Variants in PDPR observed in about 807,000 individuals in gnomAD.
PDPR encodes the protein pyruvate dehydrogenase phosphatase regulatory subunit, mitochondrial.
A neutral mutation model predicts 102.2 loss-of-function variants in PDPR; 50 were observed. The observed-to-expected ratio is 0.49, with a 90% CI of 0.39 to 0.62. The LOEUF is 0.62. Ranked by LOEUF, PDPR falls within the 20% of genes least tolerant of loss-of-function variation. The pLI is 0.00. For synonymous variants in PDPR, 259 were observed against 406.0 expected (o/e 0.64, Z 4.35); for missense variants, 625 against 1,098.2 (o/e 0.57, Z 6.09).
At chr16:70,123,071 C>T (rs1963513813) in intron 3 of PDPR, among the ~76,000 whole-genome samples, 1 of 151,996 alleles carries the variant, frequency 6.6e-6, no homozygotes, top group Non-Finnish European at 1.5e-5. Flanking sequence ...CTGGCTAATT[C>T]TTGTATTTTT....
chr16:70,147,718 C>T (rs192058657), intron 16 of PDPR: 4,723 of 392,472 alleles, frequency 0.012, 15 homozygotes, highest in South Asian at 0.016. Context: ...AAAGTGGGAT[C>T]CACCTACAAA....
Position 70,159,177 on chromosome 16 carries a change from T to C in PDPR, c.*2298T>C, listed in dbSNP as rs1431523620. 3 of 152,362 alleles carry C rather than the reference T, an allele frequency of 2.0e-5. No homozygotes were observed. Among genetic ancestry groups the C allele is most frequent in the African/African-American group, 7.2e-5 (3 of 41,482 alleles). 9.4% of individuals were successfully genotyped at this position (152,362 alleles called of 1,614,324 possible). Reference sequence around the variant, plus strand: ...TCTGCCCTTGTTAATCTCCAACTAATTACTACAGATTGACACGTTTTTAAT... The same window carrying C: ...TCTGCCCTTGTTAATCTCCAACTAACTACTACAGATTGACACGTTTTTAAT... On this transcript the variant is annotated 3_prime_UTR_variant, in exon 19 of 19. Coordinates refer to ENST00000288050, the MANE Select transcript of PDPR (RefSeq NM_017990.5).
chr16:70,117,740 G>T lies in PDPR; in HGVS notation c.-32-2721G>T, dbSNP rs185378386. 1.4e-3 allele frequency among the ~76,000 whole-genome samples: 212 copies of T among 152,272 alleles called. 1 individual carries two copies. Among genetic ancestry groups the T allele is most frequent in the African/African-American group, 4.7e-3 (197 of 41,572 alleles). Reference sequence around the variant, plus strand: ...GAAATGAGACCACAGATAAGAACCAGAGTGTGAAGGATCTTGCACTTGATA... The same window carrying T: ...GAAATGAGACCACAGATAAGAACCATAGTGTGAAGGATCTTGCACTTGATA... On this transcript the variant is annotated intron_variant, in intron 2 of 18. Transcript: ENST00000288050.
At chr16:70,123,674 TC>T (rs1333125543) in intron 3 of PDPR, among the ~76,000 whole-genome samples, 1 of 152,292 alleles carries the variant, frequency 6.6e-6, no homozygotes, top group East Asian at 1.9e-4. Context: ...CTAGGGAGGT[TC>T]ATTTTTGGTT....
intron 11 of PDPR, among the ~76,000 whole-genome samples, chr16:70,140,798 G>A (rs1965631379): frequency 6.6e-6 from 1 of 152,208 alleles, no homozygotes; most frequent in Non-Finnish European, 1.5e-5. Flanking sequence ...CTGGGTGATA[G>A]AGAGGGATTC....
At chr16:70,139,539 C>G (rs1362450986) in intron 11 of PDPR, among the ~76,000 whole-genome samples, 2 of 152,378 alleles carry the variant, frequency 1.3e-5, no homozygotes, top group East Asian at 3.9e-4. Context: ...CCTACAGCAG[C>G]AAGATTGGGA....
intron 4 of PDPR, among the ~76,000 whole-genome samples, chr16:70,128,351 C>G (rs1161701334): frequency 4.6e-5 from 7 of 152,254 alleles, no homozygotes; most frequent in African/African-American, 1.7e-4. Context: ...CCTCAGCCTT[C>G]CCGGTAGCTG....
At chr16:70,115,215 C>T (rs1962518580) in intron 2 of PDPR, among the ~76,000 whole-genome samples, 1 of 152,088 alleles carries the variant, frequency 6.6e-6, no homozygotes, top group Non-Finnish European at 1.5e-5. Flanking sequence ...CCTCTGCCTC[C>T]TGGGTTCAAG....
chr16:70,146,467 A>C (rs1211188575), intron 16 of PDPR, among the ~76,000 whole-genome samples: 1 of 135,726 alleles, frequency 7.4e-6, no homozygotes, highest in Non-Finnish European at 1.6e-5. Flanking sequence ...AAAAATACAA[A>C]AATTAGCTGG....
chr16:70,117,196 G>A (rs1156959333), intron 2 of PDPR, among the ~76,000 whole-genome samples: 2 of 137,202 alleles, frequency 1.5e-5, no homozygotes, highest in East Asian at 2.1e-4. Flanking sequence ...CTGGTGCATT[G>A]TAACTACTTA....
chr16:70,137,257 G>A (rs1405140815), intron 10 of PDPR, among the ~76,000 whole-genome samples: 3 of 152,220 alleles, frequency 2.0e-5, no homozygotes, highest in African/African-American at 4.8e-5. Context: ...TCGGGAGGCT[G>A]AGACAGGAGA....
intron 15 of PDPR, among the ~76,000 whole-genome samples, chr16:70,145,208 A>G (rs1363639960): frequency 1.5e-4 from 23 of 152,296 alleles, no homozygotes; most frequent in Non-Finnish European, 3.2e-4. Flanking sequence ...AGCCAAGATC[A>G]TGCCATTGCA....
chr16:70,148,426 G>T, intron 16 of PDPR, 38 bp from the exon 17 acceptor site: 1 of 1,459,300 alleles, frequency 6.9e-7, no homozygotes, highest in South Asian at 1.2e-5. Context: ...GACAAGTAAT[G>T]TGAGTGCCCA....
chr16:70,140,688 G>C (rs1331722159), intron 11 of PDPR, among the ~76,000 whole-genome samples: 1 of 152,170 alleles, frequency 6.6e-6, no homozygotes, highest in Non-Finnish European at 1.5e-5. Context: ...GGTGGTACGT[G>C]CCTGTGATCC....
chr16:70,137,154 C>T (rs1390075217), intron 10 of PDPR, among the ~76,000 whole-genome samples: 1 of 152,208 alleles, frequency 6.6e-6, no homozygotes, highest in East Asian at 1.9e-4. Flanking sequence ...AGATCGAGAC[C>T]ACTCTGGCTA....
intron 10 of PDPR, among the ~76,000 whole-genome samples, chr16:70,136,976 C>G (rs1378548372): frequency 1.3e-5 from 2 of 152,204 alleles, no homozygotes; most frequent in Non-Finnish European, 2.9e-5. Flanking sequence ...CTCCTGACTT[C>G]AAGTGATCCA....
At chr16:70,154,879 T>G (rs1414409335) in intron 18 of PDPR, among the ~76,000 whole-genome samples, 1 of 152,226 alleles carries the variant, frequency 6.6e-6, no homozygotes, top group Non-Finnish European at 1.5e-5. Context: ...GCTCAGGTGA[T>G]CCGCCCTCCT....
chr16:70,150,586 G>A (rs1597375637), intron 17 of PDPR, among the ~76,000 whole-genome samples: 1 of 138,066 alleles, frequency 7.2e-6, no homozygotes, highest in Non-Finnish European at 1.5e-5. Flanking sequence ...CTGGCTTACT[G>A]CAGCTTGACC....
chr16:70,125,575 GTATAT>G (rs1963873774), intron 3 of PDPR, among the ~76,000 whole-genome samples: 1 of 136,102 alleles, frequency 7.3e-6, no homozygotes, highest in African/African-American at 2.7e-5. Context: ...AAAAAAAAAA[GTATAT>G]ATATATATAT....
Sources: allele counts gnomAD v4.1 joint callset (sites outside exome capture counted in the v4.1 genomes callset), GRCh38; gene constraint gnomAD v4.1.1; transcripts MANE v1.5; gene names NCBI Gene and HGNC (gene_info 2026-07-23, HGNC 2026-07-21).